Variants in DPP10 observed in about 807,000 individuals in gnomAD.
DPP10 encodes dipeptidyl peptidase like 10.
Under a neutral mutation model 120.9 loss-of-function variants are expected in DPP10, and 33 were observed. The ratio of observed to expected loss-of-function variants is 0.27; its 90% confidence interval spans 0.21 to 0.37. The LOEUF (loss-of-function observed/expected upper bound fraction) is 0.37, where lower values mean the gene tolerates loss of function less well. Among genes scored for constraint, DPP10 ranks in the 10% least tolerant of loss-of-function variants. DPP10 has a pLI of 1.00. For synonymous variants in DPP10, 337 were observed against 326.1 expected, an observed-to-expected ratio of 1.03 and a Z score of -0.36; for missense variants, 816 against 942.8, an observed-to-expected ratio of 0.87 and a Z score of 1.76.
At chr2:115,185,602 CA>C (rs1420039295) in intron 1 of DPP10, among the ~76,000 whole-genome samples, 2 of 152,012 alleles carry the variant, frequency 1.3e-5, no homozygotes, top group Non-Finnish European at 2.9e-5. Flanking sequence ...GTTAAAACCA[CA>C]AGTTTGTAAA....
At chr2:115,556,800 A>G (rs1037665941) in intron 5 of DPP10, among the ~76,000 whole-genome samples, 4 of 152,142 alleles carry the variant, frequency 2.6e-5, no homozygotes, top group Admixed American at 1.3e-4. Context: ...CACTTTCACT[A>G]TCTGAAAACG....
intron 1 of DPP10, among the ~76,000 whole-genome samples, chr2:114,902,642 T>C (rs1693672349): frequency 6.6e-6 from 1 of 152,226 alleles, no homozygotes; most frequent in Non-Finnish European, 1.5e-5. Flanking sequence ...TAAAATAGAC[T>C]TTATTTTTTA....
At chr2:115,196,512 G>C (rs944351978) in intron 1 of DPP10, among the ~76,000 whole-genome samples, 6 of 152,096 alleles carry the variant, frequency 3.9e-5, no homozygotes, top group African/African-American at 1.4e-4. Context: ...GTATTGCAGA[G>C]CTTCCTGCTT....
chr2:114,558,026 C>T (rs1013374205), intron 1 of DPP10, among the ~76,000 whole-genome samples: 5 of 152,152 alleles, frequency 3.3e-5, no homozygotes, highest in African/African-American at 1.2e-4. Flanking sequence ...CTTCCATACT[C>T]CAGGTGGCGA....
intron 1 of DPP10, among the ~76,000 whole-genome samples, chr2:115,011,050 T>C (rs1198039130): frequency 6.6e-6 from 1 of 152,242 alleles, no homozygotes; most frequent in Non-Finnish European, 1.5e-5. Flanking sequence ...CATGGTTATT[T>C]AGGCATATCT....
intron 1 of DPP10, among the ~76,000 whole-genome samples, chr2:114,953,509 A>G (rs945279295): frequency 7.2e-5 from 11 of 151,884 alleles, no homozygotes; most frequent in African/African-American, 2.7e-4. Flanking sequence ...TGTGTACATG[A>G]ACATGTATGT....
chr2:114,925,576 A>C (rs934248636), intron 1 of DPP10, among the ~76,000 whole-genome samples: 1 of 152,210 alleles, frequency 6.6e-6, no homozygotes, highest in Non-Finnish European at 1.5e-5. Flanking sequence ...AAGTTTCACA[A>C]TATTTTGGAG....
At chr2:115,502,819 G>C (rs1037596920) in intron 4 of DPP10, among the ~76,000 whole-genome samples, 7 of 151,780 alleles carry the variant, frequency 4.6e-5, no homozygotes, top group Admixed American at 1.3e-4. Flanking sequence ...TCAGCCTCCT[G>C]AGTAGCTAGG....
At chr2:114,637,635 T>G (rs1009718667) in intron 1 of DPP10, among the ~76,000 whole-genome samples, 3 of 151,922 alleles carry the variant, frequency 2.0e-5, no homozygotes, top group Non-Finnish European at 4.4e-5. Flanking sequence ...ATTTAAATCT[T>G]TAATCCATCT....
At chr2:114,888,918 G>A (rs999984810) in intron 1 of DPP10, among the ~76,000 whole-genome samples, 6 of 152,098 alleles carry the variant, frequency 3.9e-5, no homozygotes, top group African/African-American at 7.2e-5. Flanking sequence ...TCCCAAATTC[G>A]TGTGTTGAAA....
At chr2:115,149,833 GT>G (rs1559148657) in intron 1 of DPP10, among the ~76,000 whole-genome samples, 1 of 152,040 alleles carries the variant, frequency 6.6e-6, no homozygotes, top group African/African-American at 2.4e-5. Flanking sequence ...AAAATTATTC[GT>G]TGTGTATCTG....
chr2:115,731,841 A>T (rs1358421726), intron 8 of DPP10, among the ~76,000 whole-genome samples: 1 of 152,128 alleles, frequency 6.6e-6, no homozygotes, highest in Non-Finnish European at 1.5e-5. Flanking sequence ...CATGACTTCA[A>T]TGTTAAGGTT....
intron 3 of DPP10, among the ~76,000 whole-genome samples, chr2:115,478,860 C>T (rs1310725844): frequency 1.3e-5 from 2 of 152,174 alleles, no homozygotes; most frequent in African/African-American, 4.8e-5. Flanking sequence ...GATACCACAT[C>T]ACATTCACTA....
chr2:114,673,116 C>T (rs967028626), intron 1 of DPP10, among the ~76,000 whole-genome samples: 2 of 152,126 alleles, frequency 1.3e-5, no homozygotes, highest in Non-Finnish European at 2.9e-5. Flanking sequence ...TTCTCTTTCT[C>T]TGTGTGCTAC....
At chr2:114,598,468 A>C (rs1692104201) in intron 1 of DPP10, among the ~76,000 whole-genome samples, 1 of 152,070 alleles carries the variant, frequency 6.6e-6, no homozygotes, top group South Asian at 2.1e-4. Flanking sequence ...GGTAGCAGGA[A>C]GTAGAAGGAG....
At chr2:114,527,838 T>C (rs1480703724) in intron 1 of DPP10, among the ~76,000 whole-genome samples, 1 of 152,168 alleles carries the variant, frequency 6.6e-6, no homozygotes, top group Non-Finnish European at 1.5e-5. Context: ...TACTGAATAC[T>C]GTAGGCAATT....
intron 8 of DPP10, among the ~76,000 whole-genome samples, chr2:115,734,971 G>A (rs1205326936): frequency 1.3e-5 from 2 of 152,160 alleles, no homozygotes; most frequent in East Asian, 1.9e-4. Flanking sequence ...GGGGGAAGGG[G>A]ACACAGCAGT....
At chr2:115,753,343 A>G (rs748957031) in intron 11 of DPP10, 46 bp downstream of exon 11, 8 of 1,535,130 alleles carry the variant, frequency 5.2e-6, no homozygotes, top group South Asian at 1.3e-5. Context: ...GAAGTAGCTT[A>G]TGCAGCTTTA....
chr2:115,047,572 T>A (rs1573423431), intron 1 of DPP10, among the ~76,000 whole-genome samples: 1 of 152,066 alleles, frequency 6.6e-6, no homozygotes, highest in East Asian at 1.9e-4. Flanking sequence ...CTTCTTGTTT[T>A]ATGAGTCTAA....
Sources: allele counts gnomAD v4.1 joint callset (sites outside exome capture counted in the v4.1 genomes callset), GRCh38; gene constraint gnomAD v4.1.1; transcripts MANE v1.5; gene names NCBI Gene and HGNC (gene_info 2026-07-23, HGNC 2026-07-21).